The following FHIP1B variants were observed in gnomAD, a reference collection of about 807,000 sequenced individuals.
The protein encoded by FHIP1B is FHF complex subunit HOOK-interacting protein 1B.
FHIP1B carries 28 observed loss-of-function variants against 82.2 expected under a neutral mutation model. The ratio of observed to expected loss-of-function variants is 0.34; its 90% CI spans 0.25 to 0.47. The LOEUF is 0.47. FHIP1B is among the 20% of genes least tolerant of loss of function. FHIP1B has a pLI of 1.00. For synonymous variants in FHIP1B, 585 were observed against 516.1 expected (o/e 1.13, Z -1.81); for missense variants, 1,110 against 1,262.6 (o/e 0.88, Z 1.83).
rs778360593 is a variant in FHIP1B at position 6,217,438 on chromosome 11, C to T, written c.2148G>A (p.Glu716=). The T allele has an allele frequency of 1.2e-6, 2 of 1,613,950 alleles. No individual in the cohort carries two copies. Among genetic ancestry groups the T allele is most frequent in the Non-Finnish European group, 1.7e-6 (2 of 1,179,916 alleles). ...EAYESFTCPP[E]PPGPFLSSPL... Reference sequence around the variant, plus strand: ...GGCTGCTGAGGAAGGGGCCAGGGGGCTCAGGGGGACAGGTGAAGCTCTCGT... The same window carrying T: ...GGCTGCTGAGGAAGGGGCCAGGGGGTTCAGGGGGACAGGTGAAGCTCTCGT... Residue 716 remains glutamate (E), a synonymous_variant, in exon 9 of 12, where the codon GAG becomes GAA. Coordinates refer to ENST00000449352, the MANE Select transcript of FHIP1B (RefSeq NM_001098794.2).
intron 8 of FHIP1B, among the ~76,000 whole-genome samples, chr11:6,218,357 AG>A (rs905720747): frequency 2.0e-5 from 3 of 152,288 alleles, no homozygotes; most frequent in South Asian, 2.1e-4. Flanking sequence ...CAATGGAAAC[AG>A]GAAGAGTACA....
In FHIP1B at chr11:6,215,756, C is replaced by A. The variant is rs569913589; in HGVS notation, c.2216-845G>T. ...ACTGGGAAAACTGACCTCAGCTAAG[C>A]CAGATCACCAGCAGTAGGCCTCTAT... On this transcript the variant is annotated intron_variant, in intron 9 of 11. Transcript: ENST00000449352. Among the ~76,000 whole-genome samples, 3 of 152,288 alleles carry A rather than the reference C, an allele frequency of 2.0e-5. No individual in the cohort carries two copies. The South Asian group carries it at 6.2e-4, about 32-fold the overall frequency.
rs3750943 is a variant in FHIP1B, at chr11:6,217,730, C to T, written c.1856G>A (p.Arg619Gln). 1.9e-5 allele frequency: 30 copies of T among 1,596,864 alleles called. No homozygotes were observed. Among genetic ancestry groups the T allele is most frequent in the Middle Eastern group, 1.7e-4 (1 of 5,974 alleles). The change falls in exon 9 of 12, where the codon CGG becomes CAG. Residue 619 changes from arginine (R) to glutamine (Q), a missense_variant. Transcript: ENST00000449352. Reference protein sequence around the residue: ...GEEEELGRRGRAGGAGEGPGH... With the variant: ...GEEEELGRRGQAGGAGEGPGH... ...AGGGCCCTCCCCTGCACCCCCAGCCCGCCCCCTCCTCCCCAGCTCTTCCTC... is the reference window on the plus strand; with the variant it reads ...AGGGCCCTCCCCTGCACCCCCAGCCTGCCCCCTCCTCCCCAGCTCTTCCTC...
In FHIP1B at chr11:6,217,607, A is replaced by T; in HGVS notation, c.1979T>A (p.Leu660Gln). ...CATGCCCTCGGAGATGCCCTCTAGC[A>T]GTTCCCCAGCTCCCTCCTTTGGCAC... ...RLVPKEGAGE[L>Q]LEGISEGMAG... Residue 660 changes from leucine (L) to glutamine (Q), a missense_variant, in exon 9 of 12, where the codon CTG (leucine) becomes CAG (glutamine). Coordinates refer to ENST00000449352, the MANE Select transcript of FHIP1B (RefSeq NM_001098794.2). The T allele has an allele frequency of 1.2e-6, 2 of 1,613,696 alleles. No individual in the cohort carries two copies. The highest frequency in any genetic ancestry group is 1.7e-6 in the Non-Finnish European group (2 of 1,179,848).
chr11:6,229,961 T>G (rs1214704303), intron 1 of FHIP1B, among the ~76,000 whole-genome samples: 1 of 107,918 alleles, frequency 9.3e-6, no homozygotes, highest in African/African-American at 3.7e-5. Flanking sequence ...TGTCCTTTCC[T>G]CCCATAGCAA....
chr11:6,223,345 C>T lies in FHIP1B; in HGVS notation c.778-107G>A. On this transcript the variant is annotated intron_variant, in intron 3 of 11. Coordinates refer to ENST00000449352, the MANE Select transcript of FHIP1B (RefSeq NM_001098794.2). The surrounding 1 kb of genome is among the most constrained non-coding windows in gnomAD (Gnocchi z 4.8). ...GTTTTGATGGGAATAGGGGTATAAG[C>T]TATTACCAAAGCAAGCATTTGCCTA... The T allele has an allele frequency of 8.1e-7, 1 of 1,235,398 alleles. No individual in the cohort carries two copies. The highest frequency in any genetic ancestry group is 1.4e-5 in the South Asian group (1 of 70,688). The allele number at this position is 1,235,398 out of a possible 1,614,324, so 76.5% of individuals were successfully genotyped here. A position where few individuals can be genotyped will look rare whatever the true frequency, so the allele number is the denominator to read the frequency against.
rs1389257058 is a variant in FHIP1B, at chr11:6,211,812, T to G, written c.2613A>C (p.Pro871=). 4 of 1,610,956 alleles carry G rather than the reference T, an allele frequency of 2.5e-6. No homozygotes were observed. The South Asian group carries it at 4.4e-5, about 18-fold the overall frequency. The part of the protein sequence containing the change: ...GELLLRHAHS[P]TRARQAAQLV... ...ATTGTGCCGCCTGCCGGGCCCTGGT[T>G]GGACTGTGTGCATGCCGCAGGAGTA... Residue 871 remains proline, a synonymous_variant, in exon 12 of 12, where the codon CCA becomes CCC. Coordinates refer to ENST00000449352, the MANE Select transcript of FHIP1B (RefSeq NM_001098794.2).
chr11:6,229,409 G>C (rs187317086), intron 1 of FHIP1B, among the ~76,000 whole-genome samples: 130 of 152,262 alleles, frequency 8.5e-4, no homozygotes, highest in African/African-American at 2.8e-3. Context: ...TCCCTTTCCT[G>C]CTTCCTTCTC....
rs374106719 is a variant in FHIP1B, at chr11:6,223,788, G to A, written c.599C>T (p.Pro200Leu). 1.2e-6 allele frequency: 2 copies of A among 1,614,090 alleles called. No individual in the cohort carries two copies. Among genetic ancestry groups the A allele is most frequent in the African/African-American group, 2.7e-5 (2 of 74,948 alleles). ...GGGAGCGGCTCCAGGCTCAGGAGGT[G>A]GCTGCAGGAAGAACTCGAGCAATGA... is the stretch of plus-strand genomic sequence containing the variant. ...EPSLLEFFLQ[P>L]PPEPGAAPRL... Residue 200 changes from proline (P) to leucine (L), a missense_variant, in exon 3 of 12, where the codon CCA (proline) becomes CTA (leucine). This residue lies in a region of FHIP1B where 467 missense variants were observed against 602.9 expected (regional missense o/e 0.77). Transcript: ENST00000449352. The surrounding 1 kb of genome is among the most constrained non-coding windows in gnomAD (Gnocchi z 4.8).
intron 1 of FHIP1B, among the ~76,000 whole-genome samples, chr11:6,228,387 G>A (rs759250188): frequency 6.6e-6 from 1 of 152,108 alleles, no homozygotes; most frequent in Middle Eastern, 3.2e-3. Context: ...AAGAAGTTGT[G>A]GTAAGGGGAG....
rs374459264 is a variant in FHIP1B, at chr11:6,223,030, C to G, written c.936+50G>C. The G allele has an allele frequency of 5.1e-6, 8 of 1,575,422 alleles. No homozygotes were observed. Among genetic ancestry groups the G allele is most frequent in the Non-Finnish European group, 6.9e-6 (8 of 1,160,494 alleles). On this transcript the variant is annotated intron_variant, in intron 4 of 11. Coordinates refer to ENST00000449352, the MANE Select transcript of FHIP1B (RefSeq NM_001098794.2). The surrounding 1 kb of genome is among the most constrained non-coding windows in gnomAD (Gnocchi z 4.8). ...GACAGAACTCCAGGGAATATACCCC[C>G]TCCTACCTAATCTCCCAAAAATGAC...
Position 6,214,802 on chromosome 11 carries a change from C to T in FHIP1B, c.2325G>A (p.Gln775=), listed in dbSNP as rs781215211. The change falls in exon 10 of 12, where the codon CAG becomes CAA. Residue 775 remains glutamine, a synonymous_variant. Transcript: ENST00000449352. The stretch of plus-strand genomic sequence containing the variant: ...TGAGCAGGAAAGAGCGGAGCAGGGG[C>T]TGGGGGTGACAGGCCAGCTGGGCCA... ...GLVAQLACHP[Q]PLLRSFLLNT... The T allele has an allele frequency of 6.2e-7, 1 of 1,611,224 alleles. No individual in the cohort carries two copies. The highest frequency in any genetic ancestry group is 8.5e-7 in the Non-Finnish European group (1 of 1,178,734).
chr11:6,214,590 C>A lies in FHIP1B; in HGVS notation c.2395-17G>T. On this transcript the variant is annotated splice_polypyrimidine_tract_variant and intron_variant, in intron 10 of 11. Transcript: ENST00000449352. ...GCCCAGCACCTATGAAGCACACCTT[C>A]GTGACATTTCTGAGCAGCTCTAGAC... 1 of 1,603,340 alleles carries A rather than the reference C, an allele frequency of 6.2e-7. No individual in the cohort carries two copies. Among genetic ancestry groups the A allele is most frequent in the Non-Finnish European group, 8.5e-7 (1 of 1,173,644 alleles).
At chr11:6,212,883 C>T (rs544267243) in intron 11 of FHIP1B, among the ~76,000 whole-genome samples, 1 of 152,290 alleles carries the variant, frequency 6.6e-6, no homozygotes, top group Non-Finnish European at 1.5e-5. Flanking sequence ...GCTCCCTCTG[C>T]CTAAATTTTC....
chr11:6,218,936 G>C (rs1294056703), intron 7 of FHIP1B, 35 bp downstream of exon 7: 1 of 1,605,670 alleles, frequency 6.2e-7, no homozygotes, highest in Non-Finnish European at 8.5e-7. Context: ...GAGGCTTCAG[G>C]GTCAGCCATC....
At chr11:6,214,380 G>A (rs74735527) in intron 11 of FHIP1B, 31 bp downstream of exon 11, 1 of 1,572,202 alleles carries the variant, frequency 6.4e-7, no homozygotes, top group East Asian at 2.3e-5. Flanking sequence ...TCTAGGGAGG[G>A]CAGGTACGGG....
intron 1 of FHIP1B, among the ~76,000 whole-genome samples, chr11:6,233,478 G>A (rs750779344): frequency 3.3e-5 from 5 of 152,184 alleles, no homozygotes; most frequent in Admixed American, 6.5e-5. Context: ...GTGTGGAGAG[G>A]AAGAGATAAA....
chr11:6,217,449 A>G lies in FHIP1B; in HGVS notation c.2137T>C (p.Cys713Arg), dbSNP rs1473229192. The G allele has an allele frequency of 1.9e-6, 3 of 1,613,948 alleles. No individual in the cohort carries two copies. Among genetic ancestry groups the G allele is most frequent in the East Asian group, 2.2e-5 (1 of 44,866 alleles). Reference sequence around the variant, plus strand: ...AAGGGGCCAGGGGGCTCAGGGGGACAGGTGAAGCTCTCGTAGGCCTCCTCC... The same window carrying G: ...AAGGGGCCAGGGGGCTCAGGGGGACGGGTGAAGCTCTCGTAGGCCTCCTCC... ...EEEEAYESFT[C>R]PPEPPGPFLS... The change falls in exon 9 of 12, where the codon TGT becomes CGT. Residue 713 changes from cysteine (C) to arginine (R), a missense_variant. Coordinates refer to ENST00000449352, the MANE Select transcript of FHIP1B (RefSeq NM_001098794.2).
chr11:6,218,753 G>C lies in FHIP1B; in HGVS notation c.1282C>G (p.Pro428Ala), dbSNP rs746070487. 1 of 1,614,144 alleles carries C rather than the reference G, an allele frequency of 6.2e-7. No individual in the cohort carries two copies. Among genetic ancestry groups the C allele is most frequent in the South Asian group, 1.1e-5 (1 of 91,080 alleles). The change falls in exon 8 of 12, where the codon CCA becomes GCA. Residue 428 changes from proline (P) to alanine (A), a missense_variant. By Grantham distance (27) the Pro-to-Ala change is conservative. Around this residue, in one of 6 missense-constraint regions of FHIP1B, gnomAD observed 467 missense variants for 602.9 expected, o/e 0.77. Transcript: ENST00000449352. Reference sequence around the variant, plus strand: ...TGGCTCAGCATAACGTGGTTACATGGAACAAGATACCTGAGAAAGACATCA... The same window carrying C: ...TGGCTCAGCATAACGTGGTTACATGCAACAAGATACCTGAGAAAGACATCA... ...LLQLVLRYLV[P>A]CNHVMLSQKP...
Sources: allele counts gnomAD v4.1 joint callset (sites outside exome capture counted in the v4.1 genomes callset), GRCh38; gene constraint gnomAD v4.1.1; regional missense constraint gnomAD v4.1.1; non-coding constraint Gnocchi (gnomAD v3.1); transcripts MANE v1.5; gene names NCBI Gene and HGNC (gene_info 2026-07-23, HGNC 2026-07-21).